TIAM1: variants seen among roughly 807,000 people sequenced by gnomAD.
The protein encoded by TIAM1 is TIAM Rac1 associated GEF 1.
In TIAM1, 65 loss-of-function variants were observed where a neutral mutation model predicts 163.5. The observed-to-expected ratio is 0.40, with a 90% CI of 0.33 to 0.49. The LOEUF (loss-of-function observed/expected upper bound fraction) is 0.49. TIAM1 is among the 20% of genes least tolerant of loss of function. The probability of loss-of-function intolerance (pLI) is 0.77; values close to 1 mark genes in which losing one functional copy is unlikely to be tolerated. For synonymous variants in TIAM1, 833 were observed against 810.1 expected (o/e 1.03, Z -0.48); for missense variants, 1,789 against 2,044.7 (o/e 0.87, Z 2.41).
At chr21:31,213,157 A>T (rs1043200507) in intron 10 of TIAM1, 3 of 423,986 alleles carry the variant, frequency 7.1e-6, no homozygotes, top group Non-Finnish European at 1.2e-5. Flanking sequence ...TTAGAAACTC[A>T]CACATCAAAT....
At chr21:31,519,927 ACGGAGTTT>A (rs76911546) in intron 1 of TIAM1, among the ~76,000 whole-genome samples, 30,977 of 152,028 alleles carry the variant, frequency 0.2, 3,284 homozygotes, top group Middle Eastern at 0.28. Context: ...TTGAATGGGT[ACGGAGTTT>A]CGGAGTTTCC....
At chr21:31,225,984 C>T (rs1354458031) in intron 6 of TIAM1, 34 bp from the exon 7 acceptor site, 2 of 1,590,442 alleles carry the variant, frequency 1.3e-6, no homozygotes, top group East Asian at 2.2e-5. Context: ...AAGAAAAAGG[C>T]ACCTCTTAGG....
At chr21:31,498,210 C>T (rs1053621023) in intron 1 of TIAM1, among the ~76,000 whole-genome samples, 109 of 152,196 alleles carry the variant, frequency 7.2e-4, no homozygotes, top group African/African-American at 2.3e-3. Flanking sequence ...CTTGGATCTA[C>T]GCAAGAGCTT....
At chr21:31,152,209 T>C (rs1412898013) in intron 19 of TIAM1, among the ~76,000 whole-genome samples, 2 of 152,072 alleles carry the variant, frequency 1.3e-5, no homozygotes, top group Non-Finnish European at 2.9e-5. Flanking sequence ...ATTTTTATAC[T>C]TTTTGTAGAG....
chr21:31,224,964 C>T (rs2087853602), intron 7 of TIAM1, among the ~76,000 whole-genome samples: 1 of 151,914 alleles, frequency 6.6e-6, no homozygotes, highest in Non-Finnish European at 1.5e-5. Context: ...TACTTATGCA[C>T]ATATAAAGCA....
intron 2 of TIAM1, among the ~76,000 whole-genome samples, chr21:31,418,341 C>CAAA (rs71193114): frequency 0.031 from 1,089 of 34,696 alleles, 88 homozygotes; most frequent in Middle Eastern, 0.062. Context: ...GACTCTGTCT[C>CAAA]AAAAAAAAAA....
intron 10 of TIAM1, among the ~76,000 whole-genome samples, chr21:31,210,618 AAAG>A (rs2086713188): frequency 2.6e-4 from 3 of 11,738 alleles, no homozygotes; most frequent in African/African-American, 1.1e-3. Context: ...AGGAAGGGAG[AAAG>A]AAAGAAAGAA....
chr21:31,513,778 C>A (rs759566034), intron 1 of TIAM1, among the ~76,000 whole-genome samples: 2 of 152,090 alleles, frequency 1.3e-5, no homozygotes, highest in Non-Finnish European at 2.9e-5. Flanking sequence ...GAAGCCGAGG[C>A]GGGTGGATCA....
chr21:31,366,226 G>A (rs1235579044), intron 2 of TIAM1, among the ~76,000 whole-genome samples: 1 of 151,838 alleles, frequency 6.6e-6, no homozygotes, highest in African/African-American at 2.4e-5. Context: ...GAAGTAAACC[G>A]TACTCATAAC....
At chr21:31,329,586 T>C (rs998539736) in intron 2 of TIAM1, among the ~76,000 whole-genome samples, 3 of 152,122 alleles carry the variant, frequency 2.0e-5, no homozygotes, top group African/African-American at 7.2e-5. Flanking sequence ...CACCAGAAAA[T>C]GCATCCTTAG....
At chr21:31,538,587 G>T (rs984472273) in intron 1 of TIAM1, among the ~76,000 whole-genome samples, 1 of 152,170 alleles carries the variant, frequency 6.6e-6, no homozygotes, top group Non-Finnish European at 1.5e-5. Flanking sequence ...CCTGCCTGAG[G>T]ACGCCCAGAA....
At chr21:31,332,422 T>C (rs1447146210) in intron 2 of TIAM1, among the ~76,000 whole-genome samples, 3 of 152,032 alleles carry the variant, frequency 2.0e-5, no homozygotes, top group Admixed American at 6.6e-5. Flanking sequence ...TCAACTAAGG[T>C]TGAAGAGTCA....
intron 16 of TIAM1, among the ~76,000 whole-genome samples, chr21:31,157,338 T>C (rs990930737): frequency 1.3e-5 from 2 of 152,176 alleles, no homozygotes; most frequent in Non-Finnish European, 2.9e-5. Flanking sequence ...AAAGCAAAAA[T>C]TGTTAAGGGG....
Position 31,127,155 on chromosome 21 carries a change from A to G in TIAM1, c.4046-3T>C, listed in dbSNP as rs2070410. 823,073 of 1,612,182 alleles carry G rather than the reference A, an allele frequency of 0.51. 214,365 individuals carry two copies. The highest frequency in any genetic ancestry group is 0.73 in the African/African-American group (54,940 of 74,968). ...ACACACGGCATTTGCCTCTGCATCT[A>G]AAGAAATTAAAACAACAATGAATCA... On this transcript the variant is annotated splice_polypyrimidine_tract_variant and splice_region_variant and intron_variant, in intron 25 of 27. Coordinates refer to ENST00000541036, the MANE Select transcript of TIAM1 (RefSeq NM_001353694.2).
At position 31,130,929 on chromosome 21, in the gene TIAM1, G is replaced by A; in HGVS notation, c.3903C>T (p.Val1301=). ...GTTTGGAACCATCTTTATACACAAG[G>A]ACCACAGCAGTTTTGAAGACTGGAA... ...LAAFVFKTAV[V]LVYKDGSKQK... The change falls in exon 24 of 28, where the codon GTC becomes GTT. Residue 1301 remains valine, a synonymous_variant. Coordinates refer to ENST00000541036, the MANE Select transcript of TIAM1 (RefSeq NM_001353694.2). 6.2e-7 allele frequency: 1 copy of A among 1,613,930 alleles called. No individual in the cohort carries two copies. The highest frequency in any genetic ancestry group is 1.3e-5 in the African/African-American group (1 of 75,024).
At chr21:31,288,722 C>T (rs1219975149) in intron 2 of TIAM1, among the ~76,000 whole-genome samples, 4 of 152,130 alleles carry the variant, frequency 2.6e-5, no homozygotes, top group African/African-American at 7.2e-5. Context: ...AAAACACACA[C>T]AAAAACAAAA....
At chr21:31,340,722 C>T (rs560932534) in intron 1 of TIAM1, among the ~76,000 whole-genome samples, 1 of 151,926 alleles carries the variant, frequency 6.6e-6, no homozygotes, top group Non-Finnish European at 1.5e-5. Flanking sequence ...TAGAAGCAAC[C>T]CACTAACTTA....
chr21:31,451,875 G>A (rs77118917), intron 2 of TIAM1, among the ~76,000 whole-genome samples: 2,736 of 152,108 alleles, frequency 0.018, 97 homozygotes, highest in African/African-American at 0.061. Context: ...AGAGTACTTC[G>A]TAAGTGCAAG....
intron 2 of TIAM1, among the ~76,000 whole-genome samples, chr21:31,370,232 A>G (rs542201767): frequency 7.2e-5 from 11 of 152,340 alleles, no homozygotes; most frequent in African/African-American, 2.6e-4. Context: ...TGTTATTTGG[A>G]TCACGATTCA....
Sources: allele counts gnomAD v4.1 joint callset (sites outside exome capture counted in the v4.1 genomes callset), GRCh38; gene constraint gnomAD v4.1.1; transcripts MANE v1.5; gene names NCBI Gene and HGNC (gene_info 2026-07-23, HGNC 2026-07-21).